The following TMEFF2 variants were observed in gnomAD, a reference collection of about 807,000 sequenced individuals.
The protein encoded by TMEFF2 is tomoregulin-2.
Under a neutral mutation model 53.8 loss-of-function variants are expected in TMEFF2, and 28 were observed. The ratio of observed to expected loss-of-function variants is 0.52; its 90% CI spans 0.39 to 0.71. The LOEUF (loss-of-function observed/expected upper bound fraction) is 0.71, where lower values mean the gene tolerates loss of function less well. Ranked by LOEUF, TMEFF2 falls within the 30% of genes least tolerant of loss-of-function variation. The pLI is 0.00. For synonymous variants in TMEFF2, 162 were observed against 166.3 expected, an observed-to-expected ratio of 0.97 and a Z score of 0.20; for missense variants, 353 against 455.2, an observed-to-expected ratio of 0.78 and a Z score of 2.04.
At chr2:192,033,976 C>T (rs1219495299) in intron 5 of TMEFF2, among the ~76,000 whole-genome samples, 2 of 151,902 alleles carry the variant, frequency 1.3e-5, no homozygotes, top group African/African-American at 2.4e-5. Flanking sequence ...GAGATTGAGA[C>T]CATCCTGGCT....
chr2:192,034,332 T>G (rs1301847613), intron 5 of TMEFF2, among the ~76,000 whole-genome samples: 1 of 152,094 alleles, frequency 6.6e-6, no homozygotes. Flanking sequence ...AATCCTAAAA[T>G]TTAAAGTTAG....
chr2:191,957,233 G>A (rs577500387), intron 7 of TMEFF2, among the ~76,000 whole-genome samples: 2 of 152,178 alleles, frequency 1.3e-5, no homozygotes, highest in East Asian at 1.9e-4. Flanking sequence ...CCATATTTAA[G>A]TGTCTTTTGA....
chr2:192,068,496 G>A (rs1688215864), intron 4 of TMEFF2, among the ~76,000 whole-genome samples: 1 of 151,792 alleles, frequency 6.6e-6, no homozygotes, highest in Non-Finnish European at 1.5e-5. Flanking sequence ...AAGGATCAAG[G>A]GAGGAGCAAA....
chr2:192,018,091 GA>G (rs1686782116), intron 5 of TMEFF2, among the ~76,000 whole-genome samples: 1 of 152,144 alleles, frequency 6.6e-6, no homozygotes, highest in Admixed American at 6.5e-5. Context: ...GATTGGAGGG[GA>G]GGGGGAGAAT....
intron 4 of TMEFF2, among the ~76,000 whole-genome samples, chr2:192,112,797 G>A (rs56298224): frequency 0.43 from 64,662 of 151,922 alleles, 13,998 homozygotes; most frequent in South Asian, 0.47. Flanking sequence ...TTTCCCCCAT[G>A]CTGTTCTCAT....
chr2:192,069,146 T>G (rs921240153), intron 4 of TMEFF2, among the ~76,000 whole-genome samples: 2 of 151,902 alleles, frequency 1.3e-5, no homozygotes, highest in Admixed American at 6.6e-5. Context: ...CAATTTCTCT[T>G]TTGCTATTGG....
At chr2:192,144,864 T>C (rs1466263411) in intron 4 of TMEFF2, among the ~76,000 whole-genome samples, 1 of 151,990 alleles carries the variant, frequency 6.6e-6, no homozygotes, top group Non-Finnish European at 1.5e-5. Context: ...ACTCTTCTGA[T>C]AAAATGATTA....
intron 5 of TMEFF2, among the ~76,000 whole-genome samples, chr2:192,007,173 T>A (rs1686518493): frequency 6.6e-6 from 1 of 152,186 alleles, no homozygotes; most frequent in Admixed American, 6.6e-5. Context: ...TTCAGTGACA[T>A]GCTTTAAAAG....
intron 4 of TMEFF2, among the ~76,000 whole-genome samples, chr2:192,111,240 A>G (rs961127055): frequency 6.6e-6 from 1 of 152,146 alleles, no homozygotes; most frequent in African/African-American, 2.4e-5. Flanking sequence ...AAAATGTGGG[A>G]AAGTTTGGAA....
intron 5 of TMEFF2, among the ~76,000 whole-genome samples, chr2:192,032,854 G>T (rs933060490): frequency 6.6e-6 from 1 of 152,172 alleles, no homozygotes; most frequent in African/African-American, 2.4e-5. Flanking sequence ...AGTCGTCTTT[G>T]TGAACAATTG....
At chr2:192,097,550 GAATT>G (rs1300932532) in intron 4 of TMEFF2, among the ~76,000 whole-genome samples, 1 of 152,150 alleles carries the variant, frequency 6.6e-6, no homozygotes, top group Non-Finnish European at 1.5e-5. Flanking sequence ...CTCAGAGAAA[GAATT>G]ATTTGACTGC....
chr2:192,062,620 G>A (rs1390030050), intron 4 of TMEFF2, among the ~76,000 whole-genome samples: 1 of 151,916 alleles, frequency 6.6e-6, no homozygotes, highest in East Asian at 1.9e-4. Flanking sequence ...AATATATTTT[G>A]GGTACAAATC....
chr2:191,972,555 G>T (rs1692679151), intron 7 of TMEFF2, among the ~76,000 whole-genome samples: 1 of 151,868 alleles, frequency 6.6e-6, no homozygotes, highest in Admixed American at 6.6e-5. Context: ...AGAGGAAGCA[G>T]GGAGAGCAAA....
At chr2:192,082,854 C>G (rs888633597) in intron 4 of TMEFF2, among the ~76,000 whole-genome samples, 6 of 151,552 alleles carry the variant, frequency 4.0e-5, no homozygotes, top group African/African-American at 1.5e-4. Flanking sequence ...ACAAAAAAAA[C>G]GGAAGAGAGT....
intron 7 of TMEFF2, among the ~76,000 whole-genome samples, chr2:191,965,990 GA>G (rs11347194): frequency 0.43 from 60,419 of 141,246 alleles, 14,374 homozygotes; most frequent in East Asian, 0.66. Context: ...TTTGATTTAA[GA>G]AAAAAAAAAA....
At chr2:192,143,476 C>A (rs1036666133) in intron 4 of TMEFF2, among the ~76,000 whole-genome samples, 2 of 151,998 alleles carry the variant, frequency 1.3e-5, no homozygotes, top group Non-Finnish European at 2.9e-5. Flanking sequence ...TTTATGCAAA[C>A]CCATATGAAA....
chr2:192,169,201 G>A (rs1362857634), intron 4 of TMEFF2, among the ~76,000 whole-genome samples: 4 of 152,110 alleles, frequency 2.6e-5, no homozygotes, highest in African/African-American at 4.8e-5. Context: ...TATAATTGAT[G>A]AGAGACATGT....
Position 192,057,732 on chromosome 2 carries a change from G to C in TMEFF2, c.483C>G (p.Thr161=), listed in dbSNP as rs1199174677. The C allele has an allele frequency of 6.2e-7, 1 of 1,613,924 alleles. No individual in the cohort carries two copies. The highest frequency in any genetic ancestry group is 1.6e-4 in the Middle Eastern group (1 of 6,080). Reference sequence around the variant, plus strand: ...CTGCACCAAACTGGCAAATATCACAGGTGGATGTCTCCTTTTGACTAGTTT... The same window carrying C: ...CTGCACCAAACTGGCAAATATCACACGTGGATGTCTCCTTTTGACTAGTTT... ...SGETSQKETS[T]CDICQFGAEC... The change falls in exon 5 of 10, where the codon ACC becomes ACG. Residue 161 remains threonine, a synonymous_variant. Coordinates refer to ENST00000272771, the MANE Select transcript of TMEFF2 (RefSeq NM_016192.4).
In TMEFF2 at chr2:192,193,761, TAGAGAGAGAGAGAGAG is replaced by T. The variant is rs530141565; in HGVS notation, c.172+576_172+591del. Among the ~76,000 whole-genome samples, 135 of 47,854 alleles carry T rather than the reference TAGAGAGAGAGAGAGAG, an allele frequency of 2.8e-3. 1 individual carries two copies. The highest frequency in any genetic ancestry group is 7.6e-3 in the Admixed American group (32 of 4,220). The allele number at this position is 47,854 out of a possible 152,430, so 31.4% of individuals were successfully genotyped here. A position where few individuals can be genotyped will look rare whatever the true frequency, so the allele number is the denominator to read the frequency against. On this transcript the variant is annotated intron_variant, in intron 1 of 9. Transcript: ENST00000272771. ...TGAGAGAGAGAGAGAGATAGATAGA[TAGAGAGAGAGAGAGAG>T]AGAGAGAGAGAGAGAGAGAGAGAGA...
Sources: gnomAD v4.1 joint callset for allele counts (sites outside exome capture counted in the v4.1 genomes callset) on GRCh38, gnomAD v4.1.1 for gene constraint, MANE v1.5 for transcripts, NCBI Gene and HGNC (gene_info 2026-07-23, HGNC 2026-07-21) for gene names.